The following FBXL17 variants were observed in gnomAD, a reference collection of about 807,000 sequenced individuals.
FBXL17 encodes the protein F-box/LRR-repeat protein 17.
FBXL17 carries 22 observed loss-of-function variants against 66.2 expected under a neutral mutation model. The ratio of observed to expected loss-of-function variants is 0.33; its 90% confidence interval spans 0.24 to 0.47. The LOEUF (loss-of-function observed/expected upper bound fraction) is 0.47. Ranked by LOEUF, FBXL17 falls within the 20% of genes least tolerant of loss-of-function variation. The pLI is 1.00. For missense variants in FBXL17, 878 were observed against 948.2 expected (o/e 0.93, Z 0.97); for synonymous variants, 474 against 400.5 (o/e 1.18, Z -2.19).
chr5:107,869,733 G>A lies in FBXL17; in HGVS notation c.1966-7873C>T, dbSNP rs145981125. On this transcript the variant is annotated intron_variant, in intron 8 of 8. Transcript: ENST00000542267. ...GAGAGCAGGGAACTAGGAATCCAGT[G>A]CCGCTTTTCAATCTCTCACCTCTTT... 3.4e-3 allele frequency among the ~76,000 whole-genome samples: 511 copies of A among 152,220 alleles called. 4 individuals are homozygous for A. The highest frequency in any genetic ancestry group is 0.012 in the African/African-American group (479 of 41,530).
chr5:108,351,431 G>A (rs140920215), intron 3 of FBXL17, among the ~76,000 whole-genome samples: 1 of 152,206 alleles, frequency 6.6e-6, no homozygotes, highest in Non-Finnish European at 1.5e-5. Flanking sequence ...CTGATTCCCG[G>A]TCTCTCCACT....
Position 108,025,727 on chromosome 5 carries a change from G to GCACACA in FBXL17, c.1746-4732_1746-4727dup, listed in dbSNP as rs34719664. Among the ~76,000 whole-genome samples, 142 of 141,240 alleles carry GCACACA rather than the reference G, an allele frequency of 1.0e-3. 1 individual carries two copies. In the Middle Eastern group the frequency reaches 0.011, roughly 11 times the overall value. The allele number at this position is 141,240 out of a possible 152,430, so 92.7% of individuals were successfully genotyped here. A position where few individuals can be genotyped will look rare whatever the true frequency, so the allele number is the denominator to read the frequency against. ...CAAACACACACACACACGCGCGCGC[G>GCACACA]CACACACACACACACACACACACAC... On this transcript the variant is annotated intron_variant, in intron 6 of 8. Transcript: ENST00000542267.
At chr5:107,898,806 T>C (rs544335515) in intron 7 of FBXL17, among the ~76,000 whole-genome samples, 67 of 152,350 alleles carry the variant, frequency 4.4e-4, no homozygotes, top group South Asian at 8.3e-4. Context: ...AACTCGTCCT[T>C]TTTTATGGCT....
At chr5:108,022,644 G>T (rs1449120460) in intron 6 of FBXL17, among the ~76,000 whole-genome samples, 4 of 152,028 alleles carry the variant, frequency 2.6e-5, no homozygotes, top group African/African-American at 9.7e-5. Flanking sequence ...AGTTCAAAAT[G>T]CCTGATTCAT....
chr5:108,059,572 C>A (rs1220359342), intron 6 of FBXL17, among the ~76,000 whole-genome samples: 1 of 152,202 alleles, frequency 6.6e-6, no homozygotes, highest in African/African-American at 2.4e-5. Context: ...TAAGGAGGAA[C>A]AGCTATGAGC....
At chr5:108,109,005 A>C (rs1246035162) in intron 6 of FBXL17, among the ~76,000 whole-genome samples, 2 of 151,544 alleles carry the variant, frequency 1.3e-5, no homozygotes, top group African/African-American at 4.9e-5. Flanking sequence ...CTGGTCTCGA[A>C]CTCCTGACCT....
Position 108,002,182 on chromosome 5 carries a change from A to ATTTTTTTTTTTTTTTTTTTTTTTTT in FBXL17, c.1822+18742_1822+18743insAAAAAAAAAAAAAAAAAAAAAAAAA, listed in dbSNP as rs765399250. 9.1e-5 allele frequency among the ~76,000 whole-genome samples: 10 copies of ATTTTTTTTTTTTTTTTTTTTTTTTT among 109,450 alleles called. 1 individual carries two copies. The highest frequency in any genetic ancestry group is 4.5e-4 in the African/African-American group (10 of 22,302). 71.8% of individuals were successfully genotyped at this position (109,450 alleles called of 152,430 possible). On this transcript the variant is annotated intron_variant, in intron 7 of 8. Transcript: ENST00000542267. ...TGGCACACACCACCACACCCAGCTA[A>ATTTTTTTTTTTTTTTTTTTTTTTTT]TTTTTTTTTTTTTTTTTTTTTTAGT... is the stretch of plus-strand genomic sequence containing the variant.
chr5:108,107,540 C>T (rs957781876), intron 6 of FBXL17, among the ~76,000 whole-genome samples: 5 of 152,074 alleles, frequency 3.3e-5, no homozygotes, highest in African/African-American at 9.6e-5. Context: ...CGGCCAGGCA[C>T]GGTGGCTCAA....
intron 6 of FBXL17, among the ~76,000 whole-genome samples, chr5:108,113,356 A>G (rs930428369): frequency 6.6e-6 from 1 of 152,176 alleles, no homozygotes; most frequent in African/African-American, 2.4e-5. Context: ...AGAGAGATAG[A>G]TGCTATGCTA....
chr5:108,234,182 G>C (rs1755493150), intron 4 of FBXL17, among the ~76,000 whole-genome samples: 2 of 152,124 alleles, frequency 1.3e-5, no homozygotes, highest in South Asian at 4.1e-4. Context: ...TGGGACTGTG[G>C]ATTACTCTAC....
chr5:107,917,007 G>C (rs1357023192), intron 7 of FBXL17, among the ~76,000 whole-genome samples: 1 of 152,162 alleles, frequency 6.6e-6, no homozygotes, highest in Non-Finnish European at 1.5e-5. Flanking sequence ...CTATTTCATA[G>C]CCTGTCAGTA....
chr5:108,130,656 T>C (rs1750896153), intron 6 of FBXL17, among the ~76,000 whole-genome samples: 1 of 152,068 alleles, frequency 6.6e-6, no homozygotes, highest in South Asian at 2.1e-4. Flanking sequence ...TATTAACTTC[T>C]AGGTTGATAG....
chr5:108,374,249 T>C (rs1043824827), intron 1 of FBXL17, among the ~76,000 whole-genome samples: 2 of 152,238 alleles, frequency 1.3e-5, no homozygotes, highest in African/African-American at 4.8e-5. Flanking sequence ...CACATTCTTC[T>C]GAAGTGCATA....
intron 7 of FBXL17, among the ~76,000 whole-genome samples, chr5:107,883,677 T>C (rs1366408975): frequency 6.6e-6 from 1 of 152,166 alleles, no homozygotes; most frequent in Non-Finnish European, 1.5e-5. Flanking sequence ...ACTCCCTCAT[T>C]AGAACGACAG....
intron 4 of FBXL17, among the ~76,000 whole-genome samples, chr5:108,310,917 A>G (rs903548076): frequency 1.8e-4 from 27 of 152,154 alleles, no homozygotes; most frequent in African/African-American, 6.5e-4. Context: ...TTGCCAGTTG[A>G]GATTTAATCT....
intron 7 of FBXL17, among the ~76,000 whole-genome samples, chr5:107,917,309 G>A (rs1382858230): frequency 6.6e-6 from 1 of 152,082 alleles, no homozygotes; most frequent in Non-Finnish European, 1.5e-5. Flanking sequence ...TGAAAATCCA[G>A]AGAATGAGCA....
intron 5 of FBXL17, among the ~76,000 whole-genome samples, chr5:108,218,299 C>T (rs571120337): frequency 1.2e-4 from 18 of 152,104 alleles, no homozygotes; most frequent in South Asian, 6.2e-4. Flanking sequence ...TGAGCCACCG[C>T]GCCTGGCCAA....
At chr5:108,055,273 A>T in intron 6 of FBXL17, among the ~76,000 whole-genome samples, 3 of 126,644 alleles carry the variant, frequency 2.4e-5, no homozygotes, top group Non-Finnish European at 3.3e-5. Context: ...ATGACATAGA[A>T]TTTTTAGAAA....
intron 6 of FBXL17, among the ~76,000 whole-genome samples, chr5:108,083,388 C>T (rs1044469509): frequency 6.6e-6 from 1 of 152,058 alleles, no homozygotes; most frequent in African/African-American, 2.4e-5. Flanking sequence ...ACTTGTGAAA[C>T]AAAGCATCCA....
Sources: gnomAD v4.1 joint callset for allele counts (sites outside exome capture counted in the v4.1 genomes callset) on GRCh38, gnomAD v4.1.1 for gene constraint, MANE v1.5 for transcripts, NCBI Gene and HGNC (gene_info 2026-07-23, HGNC 2026-07-21) for gene names.